BAZ1B: variants seen among roughly 807,000 people sequenced by gnomAD.
BAZ1B encodes the protein bromodomain adjacent to zinc finger domain 1B.
Under a neutral mutation model 153.8 loss-of-function variants are expected in BAZ1B, and 22 were observed. The ratio of observed to expected loss-of-function variants is 0.14; its 90% CI spans 0.10 to 0.20. BAZ1B has a LOEUF of 0.20. Among genes scored for constraint, BAZ1B ranks in the 10% least tolerant of loss-of-function variants. The pLI, the probability that BAZ1B is intolerant of heterozygous loss-of-function variation, is 1.00. For synonymous variants in BAZ1B, 676 were observed against 633.4 expected (o/e 1.07, Z -1.01); for missense variants, 1,325 against 1,799.3 (o/e 0.74, Z 4.77).
At chr7:73,466,204 T>C in intron 10 of BAZ1B, 92 bp downstream of exon 10, 1 of 902,128 alleles carries the variant, frequency 1.1e-6, no homozygotes, top group South Asian at 1.8e-5. Flanking sequence ...GCGCAAATAA[T>C]TATTAACTCA....
At chr7:73,459,439 G>T in intron 13 of BAZ1B, 97 bp downstream of exon 13, 1 of 1,236,246 alleles carries the variant, frequency 8.1e-7, no homozygotes. Context: ...TCAGGGCACA[G>T]TGCCTATAGC....
intron 10 of BAZ1B, 55 bp from the exon 11 acceptor site, chr7:73,465,592 CA>C: frequency 8.4e-7 from 1 of 1,186,560 alleles, no homozygotes; most frequent in Non-Finnish European, 1.2e-6. Context: ...AATTCAAAAT[CA>C]AACACTAAGC....
At chr7:73,486,333 AT>A (rs1235258166) in intron 6 of BAZ1B, among the ~76,000 whole-genome samples, 1 of 151,768 alleles carries the variant, frequency 6.6e-6, no homozygotes, top group Non-Finnish European at 1.5e-5. Context: ...TATTTTATTT[AT>A]TTATTTATTT....
intron 3 of BAZ1B, among the ~76,000 whole-genome samples, chr7:73,502,939 C>A (rs536691491): frequency 1.3e-5 from 2 of 152,192 alleles, no homozygotes; most frequent in Admixed American, 6.5e-5. Context: ...TATTCTTCTG[C>A]GACTTCTTTC....
At chr7:73,497,752 C>T (rs1789973613) in intron 4 of BAZ1B, among the ~76,000 whole-genome samples, 2 of 152,034 alleles carry the variant, frequency 1.3e-5, no homozygotes, top group Non-Finnish European at 2.9e-5. Context: ...ACAGTTCAAA[C>T]CTATGTTGTT....
At chr7:73,452,359 C>T (rs1788051218) in intron 13 of BAZ1B, among the ~76,000 whole-genome samples, 1 of 152,118 alleles carries the variant, frequency 6.6e-6, no homozygotes, top group African/African-American at 2.4e-5. Flanking sequence ...GGGCTGCTTC[C>T]GTATTTTGGT....
chr7:73,459,534 A>T lies in BAZ1B; in HGVS notation c.3432+2T>A. 6.2e-7 allele frequency: 1 copy of T among 1,610,692 alleles called. No individual in the cohort carries two copies. The highest frequency in any genetic ancestry group is 8.5e-7 in the Non-Finnish European group (1 of 1,179,144). On this transcript the variant is annotated splice_donor_variant, in intron 13 of 19. Transcript: ENST00000339594. LOFTEE classifies it high-confidence loss of function. Reference sequence around the variant, plus strand: ...AAACTACAACTTATAACAACAAAATACCTTTGCTTCCTCTACCATTTTCTT... The same window carrying T: ...AAACTACAACTTATAACAACAAAATTCCTTTGCTTCCTCTACCATTTTCTT...
At chr7:73,461,558 A>T (rs1052540408) in intron 12 of BAZ1B, among the ~76,000 whole-genome samples, 4 of 152,314 alleles carry the variant, frequency 2.6e-5, no homozygotes, top group Non-Finnish European at 4.4e-5. Context: ...AATTCTTTTT[A>T]AAAAAATCAT....
intron 2 of BAZ1B, among the ~76,000 whole-genome samples, chr7:73,510,059 A>AC (rs1264903034): frequency 1.5e-5 from 2 of 137,356 alleles, no homozygotes; most frequent in African/African-American, 2.6e-5. Flanking sequence ...CCCAGGAGAT[A>AC]GAGGTTACAG....
At chr7:73,460,485 G>A (rs944775358) in intron 12 of BAZ1B, among the ~76,000 whole-genome samples, 2 of 151,818 alleles carry the variant, frequency 1.3e-5, no homozygotes, top group Non-Finnish European at 2.9e-5. Context: ...TTACAAACTT[G>A]ATCTCCTTTT....
Position 73,477,290 on chromosome 7 carries a change from A to G in BAZ1B, c.2171T>C (p.Val724Ala). 6.2e-7 allele frequency: 1 copy of G among 1,614,030 alleles called. No homozygotes were observed. The highest frequency in any genetic ancestry group is 8.5e-7 in the Non-Finnish European group (1 of 1,179,914). The change falls in exon 7 of 20, where the codon GTA becomes GCA. Residue 724 changes from valine (V) to alanine (A), a missense_variant. Coordinates refer to ENST00000339594, the MANE Select transcript of BAZ1B (RefSeq NM_032408.4). This position sits in a 1 kb window ranked among gnomAD's most constrained non-coding sequence, Gnocchi z 5.6. ...KDSAAFEDNE[V>A]QDEFLEKLET... ...CAGCTTTTCTAGGAACTCATCTTGT[A>G]CCTCATTATCCTCAAATGCAGCTGA...
At chr7:73,463,208 T>G in intron 11 of BAZ1B, 109 bp from the exon 12 acceptor site, 4 of 1,026,884 alleles carry the variant, frequency 3.9e-6, no homozygotes, top group Non-Finnish European at 5.7e-6. Flanking sequence ...CTTAGATCTC[T>G]TTCACCTCTC....
At chr7:73,473,130 C>G (rs1788876246) in intron 7 of BAZ1B, among the ~76,000 whole-genome samples, 1 of 152,058 alleles carries the variant, frequency 6.6e-6, no homozygotes, top group Non-Finnish European at 1.5e-5. Context: ...TTAGTAGAGA[C>G]AGGGTTTCAC....
Position 73,521,961 on chromosome 7 carries a change from C to G in BAZ1B, c.-28G>C, listed in dbSNP as rs1791075358. 1.4e-6 allele frequency: 2 copies of G among 1,404,996 alleles called. No individual in the cohort carries two copies. The highest frequency in any genetic ancestry group is 1.9e-6 in the Non-Finnish European group (2 of 1,072,372). 87.0% of individuals were successfully genotyped at this position (1,404,996 alleles called of 1,614,324 possible). On this transcript the variant is annotated 5_prime_UTR_variant, in exon 1 of 20. Transcript: ENST00000339594. ...CGGCGGCGGCGGTGGGGACTGGCGG[C>G]TGCTGGGGCCGGCCCCGCGGCGCAG...
intron 5 of BAZ1B, among the ~76,000 whole-genome samples, chr7:73,492,187 G>C (rs192811322): frequency 3.3e-5 from 5 of 151,174 alleles, no homozygotes; most frequent in Admixed American, 2.6e-4. Context: ...TTTTGAGAAG[G>C]AATCTTGCTC....
At chr7:73,455,360 G>A (rs1788157618) in intron 13 of BAZ1B, among the ~76,000 whole-genome samples, 1 of 152,218 alleles carries the variant, frequency 6.6e-6, no homozygotes, top group African/African-American at 2.4e-5. Flanking sequence ...CTCCCATAAT[G>A]TAATGTTCTC....
chr7:73,450,843 A>G lies in BAZ1B; in HGVS notation c.3580+4T>C. ...CCACATAAGCAAATTTGATTTAAAT[A>G]TACCTTTCTTTCGACAAACTTTGCA... On this transcript the variant is annotated splice_donor_region_variant and intron_variant, in intron 14 of 19. Coordinates refer to ENST00000339594, the MANE Select transcript of BAZ1B (RefSeq NM_032408.4). This position sits in a 1 kb window ranked among gnomAD's most constrained non-coding sequence, Gnocchi z 4.1. 6.2e-7 allele frequency: 1 copy of G among 1,613,978 alleles called. No individual in the cohort carries two copies. Among genetic ancestry groups the G allele is most frequent in the Non-Finnish European group, 8.5e-7 (1 of 1,179,876 alleles).
At chr7:73,512,031 A>AC (rs1329339692) in intron 1 of BAZ1B, among the ~76,000 whole-genome samples, 1 of 98,340 alleles carries the variant, frequency 1.0e-5, no homozygotes, top group African/African-American at 4.1e-5. Context: ...TCCACCTCAA[A>AC]AAAAAAAAAA....
chr7:73,471,677 T>C (rs977661476), intron 7 of BAZ1B, among the ~76,000 whole-genome samples: 5 of 152,130 alleles, frequency 3.3e-5, no homozygotes, highest in African/African-American at 4.8e-5. Context: ...TGATTGTCTA[T>C]TGACAATAAC....
Sources: allele counts gnomAD v4.1 joint callset (sites outside exome capture counted in the v4.1 genomes callset), GRCh38; gene constraint gnomAD v4.1.1; non-coding constraint Gnocchi (gnomAD v3.1); transcripts MANE v1.5; gene names NCBI Gene and HGNC (gene_info 2026-07-23, HGNC 2026-07-21).